Variants in SOBP observed in about 807,000 individuals in gnomAD.
The protein encoded by SOBP is sine oculis-binding protein homolog.
SOBP carries 4 observed loss-of-function variants against 53.6 expected under a neutral mutation model. The observed-to-expected ratio is 0.07, with a 90% confidence interval of 0.04 to 0.17. The LOEUF is 0.17. Ranked by LOEUF, SOBP falls within the 10% of genes least tolerant of loss-of-function variation. The pLI is 1.00. For synonymous variants in SOBP, 584 were observed against 522.6 expected, an observed-to-expected ratio of 1.12 and a Z score of -1.60; for missense variants, 1,088 against 1,204.7, an observed-to-expected ratio of 0.90 and a Z score of 1.43.
intron 2 of SOBP, among the ~76,000 whole-genome samples, chr6:107,505,005 T>C (rs1782941935): frequency 6.6e-6 from 1 of 152,252 alleles, no homozygotes; most frequent in Non-Finnish European, 1.5e-5. Flanking sequence ...TTGAGGTTTT[T>C]GTTCATTTGT....
chr6:107,611,120 G>C (rs896414731), intron 5 of SOBP, among the ~76,000 whole-genome samples: 1 of 152,218 alleles, frequency 6.6e-6, no homozygotes, highest in African/African-American at 2.4e-5. Context: ...AAGGTCAAAT[G>C]GTTCTGCCCC....
At chr6:107,549,636 ATG>A (rs1784408984) in intron 4 of SOBP, among the ~76,000 whole-genome samples, 1 of 151,822 alleles carries the variant, frequency 6.6e-6, no homozygotes, top group South Asian at 2.1e-4. Flanking sequence ...TACATTTCTA[ATG>A]TAGTCATTTA....
chr6:107,522,537 C>CTTTTTTTTTTTT (rs71551313), intron 3 of SOBP, among the ~76,000 whole-genome samples: 1 of 74,098 alleles, frequency 1.3e-5, no homozygotes, highest in Non-Finnish European at 2.5e-5. Context: ...AGTATAAAAA[C>CTTTTTTTTTTTT]TTTTTTTTTT....
intron 4 of SOBP, among the ~76,000 whole-genome samples, chr6:107,555,829 A>G (rs1289397909): frequency 6.6e-6 from 1 of 152,224 alleles, no homozygotes; most frequent in Non-Finnish European, 1.5e-5. Flanking sequence ...TCCTAATCCT[A>G]GAATTGTCTT....
rs1387046948 is a variant in SOBP, at chr6:107,490,133, A to G, written c.-484A>G. 6.7e-6 allele frequency: 1 copy of G among 148,788 alleles called. No homozygotes were observed. Among genetic ancestry groups the G allele is most frequent in the South Asian group, 1.8e-4 (1 of 5,564 alleles). The allele number at this position is 148,788 out of a possible 1,614,324, so 9.2% of individuals were successfully genotyped here. A position where few individuals can be genotyped will look rare whatever the true frequency, so the allele number is the denominator to read the frequency against. On this transcript the variant is annotated 5_prime_UTR_variant, in exon 1 of 7. Transcript: ENST00000317357. ...GGCTGGCGCGCTCTCCCGGGCTCACACACAGCCGCGCACGCACGCCCGGGG... is the reference window on the plus strand; with the variant it reads ...GGCTGGCGCGCTCTCCCGGGCTCACGCACAGCCGCGCACGCACGCCCGGGG...
chr6:107,652,568 A>G (rs1771848426), intron 6 of SOBP, among the ~76,000 whole-genome samples: 1 of 152,256 alleles, frequency 6.6e-6, no homozygotes, highest in Non-Finnish European at 1.5e-5. Flanking sequence ...AGACTATTCC[A>G]TAAACTTAGT....
chr6:107,624,749 G>C (rs1251627791), intron 5 of SOBP, among the ~76,000 whole-genome samples: 2 of 151,952 alleles, frequency 1.3e-5, no homozygotes, highest in Non-Finnish European at 2.9e-5. Context: ...CTCTGTCACA[G>C]GAAGTATGGA....
intron 4 of SOBP, among the ~76,000 whole-genome samples, chr6:107,538,759 GAAC>G (rs1784073461): frequency 6.6e-6 from 1 of 152,142 alleles, no homozygotes; most frequent in Non-Finnish European, 1.5e-5. Context: ...CTGGGGAAAA[GAAC>G]AACAAACCCA....
At chr6:107,517,670 G>GA (rs751616156) in intron 3 of SOBP, among the ~76,000 whole-genome samples, 1 of 152,090 alleles carries the variant, frequency 6.6e-6, no homozygotes, top group Non-Finnish European at 1.5e-5. Flanking sequence ...TATGTTTATG[G>GA]AAAAAATGTA....
intron 5 of SOBP, among the ~76,000 whole-genome samples, chr6:107,616,088 G>GGGT (rs1554187914): frequency 7.7e-6 from 1 of 129,172 alleles, no homozygotes; most frequent in Non-Finnish European, 1.6e-5. Flanking sequence ...GGGGGGTGGG[G>GGGT]GGGGGGCGGG....
intron 1 of SOBP, among the ~76,000 whole-genome samples, chr6:107,491,211 C>T (rs1298307425): frequency 4.6e-5 from 7 of 152,194 alleles, no homozygotes; most frequent in Admixed American, 4.6e-4. Context: ...GTGAAGAGCC[C>T]GTCAGTGCCC....
rs139201132 is a variant in SOBP at position 107,528,492 on chromosome 6, T to C, written c.422-4967T>C. On this transcript the variant is annotated intron_variant, in intron 3 of 6. Coordinates refer to ENST00000317357, the MANE Select transcript of SOBP (RefSeq NM_018013.4). ...TTATTGGGCCTGTCTTATCATTTAA[T>C]GTTTAAGTAGCACTTGCTGGTGCGA... is the stretch of plus-strand genomic sequence containing the variant. 6.3e-3 allele frequency among the ~76,000 whole-genome samples: 957 copies of C among 152,360 alleles called. 30 individuals are homozygous for C. The East Asian group carries it at 0.089, about 14-fold the overall frequency.
At chr6:107,545,700 C>G (rs1784281523) in intron 4 of SOBP, among the ~76,000 whole-genome samples, 1 of 151,876 alleles carries the variant, frequency 6.6e-6, no homozygotes, top group Admixed American at 6.6e-5. Flanking sequence ...ATAAGGCTAG[C>G]TACACCTTTA....
chr6:107,547,987 G>T (rs1784350169), intron 4 of SOBP, among the ~76,000 whole-genome samples: 2 of 152,204 alleles, frequency 1.3e-5, no homozygotes, highest in African/African-American at 2.4e-5. Flanking sequence ...GGGAGAGAAG[G>T]TAGACTTACA....
At chr6:107,576,114 A>G (rs1437868338) in intron 4 of SOBP, among the ~76,000 whole-genome samples, 1 of 152,180 alleles carries the variant, frequency 6.6e-6, no homozygotes, top group African/African-American at 2.4e-5. Flanking sequence ...CTCCGTTAAC[A>G]GGTCAAGTGG....
intron 5 of SOBP, among the ~76,000 whole-genome samples, chr6:107,600,329 C>T (rs1786133036): frequency 6.6e-6 from 1 of 152,180 alleles, no homozygotes; most frequent in African/African-American, 2.4e-5. Flanking sequence ...GAGCCTCTCA[C>T]AGGGCCCATG....
At chr6:107,620,866 C>G (rs1341645845) in intron 5 of SOBP, among the ~76,000 whole-genome samples, 1 of 152,120 alleles carries the variant, frequency 6.6e-6, no homozygotes, top group Non-Finnish European at 1.5e-5. Context: ...CTCCTCTTAC[C>G]CGGGAGCCAA....
chr6:107,529,967 CAT>C (rs2042926908), intron 3 of SOBP, among the ~76,000 whole-genome samples: 1 of 152,136 alleles, frequency 6.6e-6, no homozygotes, highest in East Asian at 1.9e-4. Context: ...ATGATATTAT[CAT>C]ATGAAAATTA....
chr6:107,583,322 C>T (rs1034345973), intron 4 of SOBP, among the ~76,000 whole-genome samples: 33 of 152,234 alleles, frequency 2.2e-4, no homozygotes, highest in African/African-American at 7.9e-4. Flanking sequence ...AAAATCACAC[C>T]AGTAATTCCA....
Sources: allele counts gnomAD v4.1 joint callset (sites outside exome capture counted in the v4.1 genomes callset), GRCh38; gene constraint gnomAD v4.1.1; transcripts MANE v1.5; gene names NCBI Gene and HGNC (gene_info 2026-07-23, HGNC 2026-07-21).